Variants in C10orf90 observed in about 807,000 individuals in gnomAD.
C10orf90 encodes chromosome 10 open reading frame 90.
In C10orf90, 56 loss-of-function variants were observed where a neutral mutation model predicts 62.5. The ratio of observed to expected loss-of-function variants is 0.90; its 90% CI spans 0.72 to 1.12. The LOEUF is 1.12. Ranked by LOEUF, C10orf90 falls within the 50% of genes most tolerant of loss-of-function variation. C10orf90 has a pLI of 0.00. For synonymous variants in C10orf90, 386 were observed against 340.4 expected (o/e 1.13, Z -1.47); for missense variants, 970 against 880.4 (o/e 1.10, Z -1.29).
intron 2 of C10orf90, among the ~76,000 whole-genome samples, chr10:126,556,201 G>A (rs1351416957): frequency 1.3e-5 from 2 of 152,142 alleles, no homozygotes; most frequent in Admixed American, 6.5e-5. Context: ...ATAATTTCAG[G>A]CCCTCTATCA....
chr10:126,527,367 A>G (rs1358267453), intron 2 of C10orf90, among the ~76,000 whole-genome samples: 1 of 152,204 alleles, frequency 6.6e-6, no homozygotes, highest in Non-Finnish European at 1.5e-5. Flanking sequence ...TTCTTTGGAA[A>G]AATGTCTATC....
At chr10:126,427,442 T>C (rs1194222229) in intron 8 of C10orf90, among the ~76,000 whole-genome samples, 1 of 152,172 alleles carries the variant, frequency 6.6e-6, no homozygotes, top group Non-Finnish European at 1.5e-5. Flanking sequence ...TAAAGTCTTA[T>C]TTCTGGGTGT....
chr10:126,629,909 C>T (rs1452602365), intron 2 of C10orf90, among the ~76,000 whole-genome samples: 1 of 152,158 alleles, frequency 6.6e-6, no homozygotes, highest in Non-Finnish European at 1.5e-5. Flanking sequence ...CTCCAGACCC[C>T]AATGATCATC....
chr10:126,456,282 C>G lies in C10orf90; in HGVS notation c.2188+2758G>C, dbSNP rs914465249. Among the ~76,000 whole-genome samples, 1 of 152,144 alleles carries G rather than the reference C, an allele frequency of 6.6e-6. No homozygotes were observed. Among genetic ancestry groups the G allele is most frequent in the Non-Finnish European group, 1.5e-5 (1 of 68,038 alleles). On this transcript the variant is annotated intron_variant, in intron 7 of 9. Transcript: ENST00000488181. The surrounding 1 kb of genome is among the most constrained non-coding windows in gnomAD (Gnocchi z 4.9). ...TCAGAGGCTGTCTGATTTCACTGAC[C>G]TAACACAAACGAACCCAAAAGTAAA...
intron 2 of C10orf90, among the ~76,000 whole-genome samples, chr10:126,599,313 G>C (rs1430222175): frequency 1.3e-5 from 2 of 151,660 alleles, no homozygotes; most frequent in Non-Finnish European, 2.9e-5. Context: ...AGCCTTCCGA[G>C]TAGCTGGGAC....
Position 126,665,583 on chromosome 10 carries a change from G to A in C10orf90, c.240+4658C>T, listed in dbSNP as rs568109096. Among the ~76,000 whole-genome samples the A allele has an allele frequency of 1.1e-4, 16 of 152,280 alleles. No individual in the cohort carries two copies. The South Asian group carries it at 3.1e-3, about 30-fold the overall frequency. On this transcript the variant is annotated intron_variant, in intron 1 of 9. Transcript: ENST00000488181. ...GACTTCTTCTTCCAGCCATGATAGA[G>A]TAACCAGACAACCGCTAGGAAACAA...
chr10:126,492,997 G>A (rs1459596686), intron 4 of C10orf90, among the ~76,000 whole-genome samples: 1 of 151,982 alleles, frequency 6.6e-6, no homozygotes, highest in African/African-American at 2.4e-5. Context: ...TATTTAATAA[G>A]GTTTTTAAAA....
chr10:126,470,289 A>T (rs796741215), intron 4 of C10orf90: 2 of 332,616 alleles, frequency 6.0e-6, no homozygotes, highest in African/African-American at 2.2e-5. Flanking sequence ...AGGCAGTAAC[A>T]ATGGGTACTC....
intron 2 of C10orf90, among the ~76,000 whole-genome samples, chr10:126,586,706 C>T (rs538068029): frequency 6.6e-6 from 1 of 152,180 alleles, no homozygotes; most frequent in African/African-American, 2.4e-5. Flanking sequence ...CTGGAGACTT[C>T]CTAAATTCCT....
rs191777628 is a variant in C10orf90 at position 126,449,572 on chromosome 10, G to A, written c.2188+9468C>T. Among the ~76,000 whole-genome samples, 295 of 152,272 alleles carry A rather than the reference G, an allele frequency of 1.9e-3. 1 individual carries two copies. In the Middle Eastern group the frequency reaches 0.02, roughly 11 times the overall value. ...TAAGAAAAAAAATAAAAGCATTCACGTTGGAAAGAAAGAGTGAACTCACCT... is the reference window on the plus strand; with the variant it reads ...TAAGAAAAAAAATAAAAGCATTCACATTGGAAAGAAAGAGTGAACTCACCT... On this transcript the variant is annotated intron_variant, in intron 7 of 9. Transcript: ENST00000488181.
At chr10:126,481,200 G>A (rs1264837730) in intron 4 of C10orf90, among the ~76,000 whole-genome samples, 2 of 152,184 alleles carry the variant, frequency 1.3e-5, no homozygotes, top group Non-Finnish European at 1.5e-5. Context: ...CCATCTAAAG[G>A]AGCCAATGAG....
chr10:126,666,979 C>CAA (rs566799621), intron 1 of C10orf90, among the ~76,000 whole-genome samples: 1 of 136,402 alleles, frequency 7.3e-6, no homozygotes. Context: ...GACCCTGTCT[C>CAA]AAAAAAAAAA....
chr10:126,445,805 GTATA>G (rs71029302), intron 7 of C10orf90, among the ~76,000 whole-genome samples: 9 of 100,740 alleles, frequency 8.9e-5, no homozygotes, highest in East Asian at 3.8e-4. Context: ...AAACTGTGGT[GTATA>G]TATATATATA....
chr10:126,666,258 A>G (rs1217093404), intron 1 of C10orf90, among the ~76,000 whole-genome samples: 1 of 152,244 alleles, frequency 6.6e-6, no homozygotes, highest in Non-Finnish European at 1.5e-5. Flanking sequence ...GTCTGCAGAC[A>G]TTACCAAATA....
chr10:126,455,688 C>A (rs1203893711), intron 7 of C10orf90, among the ~76,000 whole-genome samples: 1 of 152,214 alleles, frequency 6.6e-6, no homozygotes, highest in Non-Finnish European at 1.5e-5. Flanking sequence ...ATAGTCAAGA[C>A]AGGTACAGAC....
At chr10:126,538,366 C>A (rs1167803266) in intron 2 of C10orf90, among the ~76,000 whole-genome samples, 1 of 152,154 alleles carries the variant, frequency 6.6e-6, no homozygotes, top group Non-Finnish European at 1.5e-5. Flanking sequence ...ATCAATGATG[C>A]TTTTGCCAGC....
At chr10:126,529,996 A>T (rs147474964) in intron 2 of C10orf90, among the ~76,000 whole-genome samples, 1 of 152,342 alleles carries the variant, frequency 6.6e-6, no homozygotes, top group East Asian at 1.9e-4. Context: ...ATGTAAAAAA[A>T]TGGATCTTAA....
intron 4 of C10orf90, among the ~76,000 whole-genome samples, chr10:126,489,992 ATATAT>A: frequency 1.0e-5 from 1 of 100,062 alleles, no homozygotes; most frequent in African/African-American, 4.1e-5. Flanking sequence ...TATATATAAT[ATATAT>A]TATATATTAT....
intron 1 of C10orf90, among the ~76,000 whole-genome samples, chr10:126,652,274 A>G (rs1018685670): frequency 1.3e-5 from 2 of 152,236 alleles, no homozygotes; most frequent in African/African-American, 4.8e-5. Flanking sequence ...ATAAATCAGC[A>G]TGAAAAGCAT....
Sources: gnomAD v4.1 joint callset for allele counts (sites outside exome capture counted in the v4.1 genomes callset) on GRCh38, gnomAD v4.1.1 for gene constraint, Gnocchi (gnomAD v3.1) non-coding constraint, MANE v1.5 for transcripts, NCBI Gene and HGNC (gene_info 2026-07-23, HGNC 2026-07-21) for gene names.